ITPK1: variants seen among roughly 807,000 people sequenced by gnomAD.
The protein encoded by ITPK1 is inositol-tetrakisphosphate 1-kinase.
ITPK1 carries 21 observed loss-of-function variants against 45.3 expected under a neutral mutation model. The observed-to-expected ratio is 0.46, with a 90% CI of 0.33 to 0.67. The LOEUF is 0.67. ITPK1 is among the 30% of genes least tolerant of loss of function. The pLI, the probability that ITPK1 is intolerant of heterozygous loss-of-function variation, is 0.02. For synonymous variants in ITPK1, 258 were observed against 253.6 expected (o/e 1.02, Z -0.16); for missense variants, 474 against 573.5 (o/e 0.83, Z 1.77).
chr14:92,968,969 C>G (rs1345134480), intron 5 of ITPK1, among the ~76,000 whole-genome samples: 1 of 152,182 alleles, frequency 6.6e-6, no homozygotes, highest in Non-Finnish European at 1.5e-5. Context: ...TCTCAGTGGA[C>G]ACAGACTGTT....
At chr14:93,101,742 C>T (rs1252714438) in intron 2 of ITPK1, among the ~76,000 whole-genome samples, 3 of 152,172 alleles carry the variant, frequency 2.0e-5, no homozygotes, top group Admixed American at 1.3e-4. Context: ...TCCAGCTACT[C>T]GGAAGGCTGA....
At chr14:92,987,287 G>A (rs1335522885) in intron 5 of ITPK1, among the ~76,000 whole-genome samples, 1 of 152,222 alleles carries the variant, frequency 6.6e-6, no homozygotes, top group African/African-American at 2.4e-5. Context: ...TGTGGAGCTG[G>A]CTTTGGCTGT....
chr14:92,971,093 C>A (rs912676260), intron 5 of ITPK1, among the ~76,000 whole-genome samples: 1 of 152,148 alleles, frequency 6.6e-6, no homozygotes, highest in Admixed American at 6.5e-5. Flanking sequence ...GGGTCAGGCA[C>A]CCTCTTCCTG....
At chr14:92,983,420 C>T (rs572988764) in intron 5 of ITPK1, among the ~76,000 whole-genome samples, 6 of 152,312 alleles carry the variant, frequency 3.9e-5, no homozygotes, top group Non-Finnish European at 8.8e-5. Context: ...GCAAAGATGA[C>T]GCTTACATTC....
chr14:93,114,276 G>T (rs943325249), intron 2 of ITPK1, among the ~76,000 whole-genome samples: 1 of 152,242 alleles, frequency 6.6e-6, no homozygotes, highest in Non-Finnish European at 1.5e-5. Flanking sequence ...TTAAGAACGT[G>T]ATCTGTTAAA....
chr14:92,975,223 C>T (rs1885879492), intron 5 of ITPK1, among the ~76,000 whole-genome samples: 1 of 152,266 alleles, frequency 6.6e-6, no homozygotes, highest in South Asian at 2.1e-4. Flanking sequence ...ATGCCTCCCT[C>T]CTCCCAAGCT....
At position 92,967,202 on chromosome 14, in the gene ITPK1, C is replaced by T. The variant is rs185378931; in HGVS notation, c.365-4353G>A. Among the ~76,000 whole-genome samples, 8 of 152,092 alleles carry T rather than the reference C, an allele frequency of 5.3e-5. No homozygotes were observed. In the East Asian group the frequency reaches 9.6e-4, roughly 18 times the overall value. ...CAAATCATGAGAAGCGTCTAGTATC[C>T]GAAATATATAAAACACTATCAACAA... On this transcript the variant is annotated intron_variant, in intron 5 of 10. Transcript: ENST00000267615.
rs1180124541 is a variant in ITPK1 at position 92,941,172 on chromosome 14, G to A, written c.*389C>T. On this transcript the variant is annotated 3_prime_UTR_variant, in exon 11 of 11. Coordinates refer to ENST00000267615, the MANE Select transcript of ITPK1 (RefSeq NM_014216.6). ...GCCTCCCACAGCCCGACATGGGCAG[G>A]CTTCCCCCAAGGGTCCCGGTCCACA... The A allele has an allele frequency of 3.3e-6, 4 of 1,226,326 alleles. No homozygotes were observed. The Admixed American group carries it at 1.1e-4, about 35-fold the overall frequency. 76.0% of individuals were successfully genotyped at this position (1,226,326 alleles called of 1,614,324 possible). A position where few individuals can be genotyped will look rare whatever the true frequency, so the allele number is the denominator to read the frequency against.
rs2139683057 is a variant in ITPK1, at chr14:92,938,753, C to T, written c.*2808G>A. On this transcript the variant is annotated 3_prime_UTR_variant, in exon 11 of 11. Coordinates refer to ENST00000267615, the MANE Select transcript of ITPK1 (RefSeq NM_014216.6). ...AAGCACCAGTTCCAGGGTGGCCTCC[C>T]CTTGGCTCTTGGGGTGGGGACACCC... is the stretch of plus-strand genomic sequence containing the variant. The T allele has an allele frequency of 1.7e-6, 1 of 596,162 alleles. No individual in the cohort carries two copies. The allele number at this position is 596,162 out of a possible 1,614,324, so 36.9% of individuals were successfully genotyped here. A position where few individuals can be genotyped will look rare whatever the true frequency, so the allele number is the denominator to read the frequency against.
At chr14:93,042,355 C>G (rs151060503) in intron 3 of ITPK1, among the ~76,000 whole-genome samples, 256 of 152,322 alleles carry the variant, frequency 1.7e-3, no homozygotes, top group Non-Finnish European at 2.9e-3. Context: ...CAAGCAGCTT[C>G]GACCCTAATC....
chr14:92,978,206 A>C (rs1389545765), intron 5 of ITPK1, among the ~76,000 whole-genome samples: 2 of 151,976 alleles, frequency 1.3e-5, no homozygotes, highest in Non-Finnish European at 2.9e-5. Context: ...TGAACTTGAG[A>C]GAGATGGTTT....
At chr14:93,086,961 C>T (rs1891674790) in intron 2 of ITPK1, among the ~76,000 whole-genome samples, 1 of 152,256 alleles carries the variant, frequency 6.6e-6, no homozygotes, top group Admixed American at 6.5e-5. Flanking sequence ...GTCACATGGG[C>T]TCTGGCCTTG....
chr14:93,081,569 T>C (rs750205501), intron 2 of ITPK1, among the ~76,000 whole-genome samples: 20 of 152,126 alleles, frequency 1.3e-4, no homozygotes, highest in Non-Finnish European at 1.9e-4. Flanking sequence ...CTTCAGGAAG[T>C]GAAAATACTC....
At chr14:92,949,171 G>A (rs151110524) in intron 9 of ITPK1, among the ~76,000 whole-genome samples, 12 of 151,286 alleles carry the variant, frequency 7.9e-5, no homozygotes, top group East Asian at 1.9e-4. Flanking sequence ...ACAACTCACC[G>A]CAGCCTCGAC....
At position 92,940,999 on chromosome 14, in the gene ITPK1, T is replaced by C; in HGVS notation, c.*562A>G. On this transcript the variant is annotated 3_prime_UTR_variant, in exon 11 of 11. Transcript: ENST00000267615. ...TGAGGGGTCTGTGGCCTCCTCTGGC[T>C]GTGGGGAGGGAGGGGTTAGCTGCAC... 2 of 1,269,914 alleles carry C rather than the reference T, an allele frequency of 1.6e-6. No individual in the cohort carries two copies. The highest frequency in any genetic ancestry group is 2.0e-6 in the Non-Finnish European group (2 of 978,488). The allele number at this position is 1,269,914 out of a possible 1,614,324, so 78.7% of individuals were successfully genotyped here. A position where few individuals can be genotyped will look rare whatever the true frequency, so the allele number is the denominator to read the frequency against.
intron 7 of ITPK1, among the ~76,000 whole-genome samples, chr14:92,960,919 C>G (rs1885039252): frequency 6.6e-6 from 1 of 152,248 alleles, no homozygotes; most frequent in Non-Finnish European, 1.5e-5. Flanking sequence ...TACGTGAGGG[C>G]TCCTGATTTC....
chr14:93,015,854 T>G (rs930121441), intron 4 of ITPK1, among the ~76,000 whole-genome samples: 1 of 152,034 alleles, frequency 6.6e-6, no homozygotes, highest in Non-Finnish European at 1.5e-5. Flanking sequence ...AGGAGGCGGG[T>G]AAGATTCCCT....
At chr14:92,999,638 A>C (rs1188160763) in intron 4 of ITPK1, among the ~76,000 whole-genome samples, 2 of 152,192 alleles carry the variant, frequency 1.3e-5, no homozygotes, top group African/African-American at 2.4e-5. Flanking sequence ...GCATGAAGGG[A>C]CTGCATGCCA....
chr14:92,972,581 T>C (rs1330621611), intron 5 of ITPK1, among the ~76,000 whole-genome samples: 1 of 151,952 alleles, frequency 6.6e-6, no homozygotes, highest in Non-Finnish European at 1.5e-5. Flanking sequence ...CCCAACTCTT[T>C]TGTTTGTTTG....
Sources: allele counts gnomAD v4.1 joint callset (sites outside exome capture counted in the v4.1 genomes callset), GRCh38; gene constraint gnomAD v4.1.1; transcripts MANE v1.5; gene names NCBI Gene and HGNC (gene_info 2026-07-23, HGNC 2026-07-21).